The following DIAPH1 variants were observed in gnomAD, a reference collection of about 807,000 sequenced individuals.
The protein encoded by DIAPH1 is protein diaphanous homolog 1.
Under a neutral mutation model 140.7 loss-of-function variants are expected in DIAPH1, and 46 were observed. The ratio of observed to expected loss-of-function variants is 0.33; its 90% CI spans 0.26 to 0.42. The LOEUF is 0.42. Ranked by LOEUF, DIAPH1 falls within the 10% of genes least tolerant of loss-of-function variation. The pLI is 1.00. For synonymous variants in DIAPH1, 565 were observed against 551.6 expected (o/e 1.02, Z -0.34); for missense variants, 1,310 against 1,558.7 (o/e 0.84, Z 2.69).
At chr5:141,611,647 C>A (rs1326341010) in intron 1 of DIAPH1, among the ~76,000 whole-genome samples, 1 of 152,176 alleles carries the variant, frequency 6.6e-6, no homozygotes, top group Non-Finnish European at 1.5e-5. Flanking sequence ...AAATCATGAG[C>A]AGATTCTTCA....
intron 1 of DIAPH1, among the ~76,000 whole-genome samples, chr5:141,588,473 G>GAAA (rs368869644): frequency 1.5e-4 from 13 of 86,650 alleles, no homozygotes; most frequent in African/African-American, 1.3e-4. Context: ...TCTTAAAAAG[G>GAAA]AAAAAAAAAA....
At position 141,601,521 on chromosome 5, in the gene DIAPH1, C is replaced by T. The variant is rs553678344; in HGVS notation, c.118-13271G>A. Among the ~76,000 whole-genome samples the T allele has an allele frequency of 4.6e-5, 7 of 152,164 alleles. No individual in the cohort carries two copies. In the East Asian group the frequency reaches 1.2e-3, roughly 25 times the overall value. ...GTCAGGCTGATTTTGAATTCCTGAC[C>T]TCAAGCGATCCATCTGCCTCAGCCT... On this transcript the variant is annotated intron_variant, in intron 1 of 27. Coordinates refer to ENST00000389054, the MANE Select transcript of DIAPH1 (RefSeq NM_005219.5).
intron 19 of DIAPH1, among the ~76,000 whole-genome samples, chr5:141,532,046 C>A (rs945223642): frequency 6.6e-6 from 1 of 152,220 alleles, no homozygotes; most frequent in Non-Finnish European, 1.5e-5. Flanking sequence ...CACTCATTTT[C>A]CTGATTTAAA....
intron 7 of DIAPH1, 122 bp downstream of exon 7, chr5:141,582,190 T>G: frequency 1.3e-6 from 1 of 745,258 alleles, no homozygotes; most frequent in South Asian, 1.4e-5. Flanking sequence ...ACAGTTATGA[T>G]ACTAAAAGAG....
intron 1 of DIAPH1, among the ~76,000 whole-genome samples, chr5:141,607,446 G>A (rs1474162424): frequency 1.3e-5 from 2 of 152,168 alleles, no homozygotes; most frequent in South Asian, 2.1e-4. Context: ...TCTACGTAGC[G>A]GAAATAACTT....
In DIAPH1 at chr5:141,579,742, G is replaced by A. The variant is rs181005484; in HGVS notation, c.825-546C>T. 3.7e-3 allele frequency among the ~76,000 whole-genome samples: 561 copies of A among 152,210 alleles called. 5 individuals carry two copies. Among genetic ancestry groups the A allele is most frequent in the Admixed American group, 0.011 (163 of 15,286 alleles). ...AGGCGGGCGGATCACAAGGTCAGGAGTTCGAGACCAGCCTGGCCAATAGGG... is the reference window on the plus strand; with the variant it reads ...AGGCGGGCGGATCACAAGGTCAGGAATTCGAGACCAGCCTGGCCAATAGGG... On this transcript the variant is annotated intron_variant, in intron 8 of 27. Coordinates refer to ENST00000389054, the MANE Select transcript of DIAPH1 (RefSeq NM_005219.5).
At chr5:141,618,082 C>T (rs1054653036) in intron 1 of DIAPH1, among the ~76,000 whole-genome samples, 7 of 152,322 alleles carry the variant, frequency 4.6e-5, no homozygotes, top group South Asian at 4.1e-4. Flanking sequence ...GAGTTCTAAT[C>T]CTCTGAAAAG....
chr5:141,544,168 G>A (rs937335309), intron 18 of DIAPH1, among the ~76,000 whole-genome samples: 9 of 152,144 alleles, frequency 5.9e-5, no homozygotes, highest in African/African-American at 2.2e-4. Flanking sequence ...AAATTAGCCG[G>A]GCGTGGTGGC....
At chr5:141,534,867 T>C (rs1260183138) in intron 18 of DIAPH1, among the ~76,000 whole-genome samples, 1 of 152,216 alleles carries the variant, frequency 6.6e-6, no homozygotes, top group African/African-American at 2.4e-5. Flanking sequence ...AGTTGGTTAG[T>C]AGTAGTTCAG....
intron 1 of DIAPH1, among the ~76,000 whole-genome samples, chr5:141,589,369 T>C (rs571706045): frequency 6.6e-6 from 1 of 152,356 alleles, no homozygotes; most frequent in East Asian, 1.9e-4. Context: ...GTCTGATTTA[T>C]TGCTTCAACA....
chr5:141,548,263 C>G (rs1366295422), intron 18 of DIAPH1, among the ~76,000 whole-genome samples: 1 of 144,050 alleles, frequency 6.9e-6, no homozygotes, highest in Non-Finnish European at 1.5e-5. Flanking sequence ...AACAATAAGA[C>G]TGACAGTGGA....
chr5:141,552,584 AT>A (rs1380191603), intron 18 of DIAPH1, among the ~76,000 whole-genome samples: 1 of 152,208 alleles, frequency 6.6e-6, no homozygotes, highest in Non-Finnish European at 1.5e-5. Context: ...CAACATTTCG[AT>A]TTTAGAAATT....
intron 18 of DIAPH1, among the ~76,000 whole-genome samples, chr5:141,568,392 G>A (rs1304921702): frequency 6.6e-6 from 1 of 152,040 alleles, no homozygotes; most frequent in African/African-American, 2.4e-5. Flanking sequence ...AAGTGAGAAT[G>A]TGAAAAAGGA....
chr5:141,518,051 C>T (rs1308248933), intron 27 of DIAPH1, among the ~76,000 whole-genome samples: 1 of 152,094 alleles, frequency 6.6e-6, no homozygotes, highest in African/African-American at 2.4e-5. Context: ...CACGAAAGGC[C>T]ATATGTTATG....
At chr5:141,559,140 C>T (rs199589865) in intron 18 of DIAPH1, among the ~76,000 whole-genome samples, 2 of 152,000 alleles carry the variant, frequency 1.3e-5, no homozygotes, top group Non-Finnish European at 2.9e-5. Flanking sequence ...CTCTCTAATT[C>T]TGGGAAGAGG....
intron 1 of DIAPH1, among the ~76,000 whole-genome samples, chr5:141,601,931 A>G (rs1259337716): frequency 6.6e-6 from 1 of 152,206 alleles, no homozygotes; most frequent in African/African-American, 2.4e-5. Flanking sequence ...CCACAGGACA[A>G]TAAGCCCTCA....
intron 4 of DIAPH1, 90 bp downstream of exon 4, chr5:141,584,034 A>G: frequency 1.3e-6 from 1 of 767,360 alleles, no homozygotes; most frequent in East Asian, 2.5e-5. Flanking sequence ...TGATGCAGAC[A>G]TAAAATGTTA....
In DIAPH1 at chr5:141,574,001, G is replaced by A. The variant is rs892261512; in HGVS notation, c.1849C>T (p.Pro617Ser). The A allele has an allele frequency of 4.0e-6, 6 of 1,514,714 alleles. No homozygotes were observed. In the African/African-American group the frequency reaches 4.2e-5, roughly 11 times the overall value. 93.8% of individuals were successfully genotyped at this position (1,514,714 alleles called of 1,614,324 possible). A position where few individuals can be genotyped will look rare whatever the true frequency, so the allele number is the denominator to read the frequency against. Reference protein sequence around the residue: ...TPPPPPPPPPPPPPLPGGVCI... With the variant: ...TPPPPPPPPPSPPPLPGGVCI... The stretch of plus-strand genomic sequence containing the variant: ...ACACCCCCAGGCAAAGGAGGTGGAG[G>A]AGGAGGAGGAGGAGGAGGAGGAGGA... Residue 617 changes from proline to serine, a missense_variant, in exon 16 of 28, where the codon CCT becomes TCT. Around this residue, in one of 3 missense-constraint regions of DIAPH1, gnomAD observed 589 missense variants for 549.3 expected, o/e 1.07. Transcript: ENST00000389054.
rs1003913448 is a variant in DIAPH1, at chr5:141,515,607, G to C, written c.*1244C>G. On this transcript the variant is annotated 3_prime_UTR_variant, in exon 28 of 28. Transcript: ENST00000389054. ...GGTACAGTGTATGAAGGCACTCCTG[G>C]TGCCCAGTTCCCCAGAATGTCCAGT... 6.6e-6 allele frequency: 1 copy of C among 152,220 alleles called. No homozygotes were observed. Among genetic ancestry groups the C allele is most frequent in the Non-Finnish European group, 1.5e-5 (1 of 68,048 alleles). 9.4% of individuals were successfully genotyped at this position (152,220 alleles called of 1,614,324 possible). A position where few individuals can be genotyped will look rare whatever the true frequency, so the allele number is the denominator to read the frequency against.
Sources: gnomAD v4.1 joint callset for allele counts (sites outside exome capture counted in the v4.1 genomes callset) on GRCh38, gnomAD v4.1.1 for gene constraint, gnomAD v4.1.1 regional missense constraint, MANE v1.5 for transcripts, NCBI Gene and HGNC (gene_info 2026-07-23, HGNC 2026-07-21) for gene names.